The following DAAM1 variants were observed in gnomAD, a reference collection of about 807,000 sequenced individuals.
DAAM1 encodes dishevelled associated activator of morphogenesis 1.
In DAAM1, 52 loss-of-function variants were observed where a neutral mutation model predicts 130.0. That is an observed-to-expected ratio of 0.40 (90% CI 0.32 to 0.50). The LOEUF (loss-of-function observed/expected upper bound fraction) is 0.50, where lower values mean the gene tolerates loss of function less well. DAAM1 is among the 20% of genes least tolerant of loss of function. The probability of loss-of-function intolerance (pLI) is 0.61; values close to 1 mark genes in which losing one functional copy is unlikely to be tolerated. For synonymous variants in DAAM1, 452 were observed against 444.5 expected (o/e 1.02, Z -0.21); for missense variants, 1,134 against 1,303.8 (o/e 0.87, Z 2.01).
intron 13 of DAAM1, 87 bp downstream of exon 13, chr14:59,330,775 G>T: frequency 3.0e-6 from 4 of 1,313,962 alleles, no homozygotes; most frequent in Non-Finnish European, 4.1e-6. Context: ...ACTTCATACT[G>T]GGGGAATAAA....
At chr14:59,242,579 G>A (rs1421806968) in intron 1 of DAAM1, among the ~76,000 whole-genome samples, 7 of 152,194 alleles carry the variant, frequency 4.6e-5, no homozygotes, top group East Asian at 3.9e-4. Flanking sequence ...TATTCTTTGA[G>A]ACAGAGTCTC....
Position 59,291,292 on chromosome 14 carries a change from T to G in DAAM1, c.259T>G (p.Cys87Gly). 2 of 1,608,628 alleles carry G rather than the reference T, an allele frequency of 1.2e-6. No individual in the cohort carries two copies. Among genetic ancestry groups the G allele is most frequent in the Non-Finnish European group, 1.7e-6 (2 of 1,178,476 alleles). Residue 87 changes from cysteine to glycine, a missense_variant, in exon 3 of 25, where the codon TGT becomes GGT. Physicochemically the swap from Cys to Gly is radical, Grantham distance 159. Coordinates refer to ENST00000360909, the MANE Select transcript of DAAM1 (RefSeq NM_001270520.2). The stretch of plus-strand genomic sequence containing the variant: ...AGCTGAGAAAAAATGGCAAATATAC[T>G]GTAGCAAGAAAAAGGTAAGATTTTC... ...LPAEKKWQIY[C>G]SKKKDQEENK...
Position 59,322,915 on chromosome 14 carries a change from TG to T in DAAM1, c.466del (p.Asp156MetfsTer10). 1 of 1,611,632 alleles carries T rather than the reference TG, an allele frequency of 6.2e-7. No homozygotes were observed. The highest frequency in any genetic ancestry group is 8.5e-7 in the Non-Finnish European group (1 of 1,178,150). ...PMRFVTRFIDLDGLSCILNFL... is the reference protein window; with the variant it reads ...PMRFVTRFIDXDGLSCILNFL... ...AGGTTTGTAACCAGATTCATCGACT[TG>T]GATGGCCTATCATGTATCCTCAACT... On this transcript the variant is annotated frameshift_variant, in exon 6 of 25. Transcript: ENST00000360909. LOFTEE classifies it high-confidence loss of function.
intron 1 of DAAM1, among the ~76,000 whole-genome samples, chr14:59,197,040 C>T (rs1452202521): frequency 6.6e-6 from 1 of 152,108 alleles, no homozygotes; most frequent in Non-Finnish European, 1.5e-5. Context: ...CCTGCCTCGG[C>T]CTCCCGGGTA....
chr14:59,202,010 C>A (rs1296090240), intron 1 of DAAM1, among the ~76,000 whole-genome samples: 1 of 152,176 alleles, frequency 6.6e-6, no homozygotes, highest in Non-Finnish European at 1.5e-5. Flanking sequence ...AATCAATTTA[C>A]ATTTTAATCC....
chr14:59,355,037 A>C (rs181829933), intron 19 of DAAM1, 128 bp from the exon 20 acceptor site: 3 of 1,283,646 alleles, frequency 2.3e-6, no homozygotes, highest in Non-Finnish European at 3.2e-6. Flanking sequence ...TGGTAACCCA[A>C]TAACTCAGTC....
In DAAM1 at chr14:59,280,659, C is replaced by G. The variant is rs10134156; in HGVS notation, c.184-10558C>G. Reference sequence around the variant, plus strand: ...GAACGAGTTCACAATGAGAGTCAGACGTACCAATAACATATAGCAATGTGA... The same window carrying G: ...GAACGAGTTCACAATGAGAGTCAGAGGTACCAATAACATATAGCAATGTGA... On this transcript the variant is annotated intron_variant, in intron 2 of 24. Coordinates refer to ENST00000360909, the MANE Select transcript of DAAM1 (RefSeq NM_001270520.2). Among the ~76,000 whole-genome samples the G allele has an allele frequency of 9.1e-3, 1,350 of 147,644 alleles. 26 individuals are homozygous for G. The highest frequency in any genetic ancestry group is 0.032 in the African/African-American group (1,299 of 40,192).
chr14:59,323,217 C>T lies in DAAM1; in HGVS notation c.766C>T (p.Arg256Cys), dbSNP rs1372787610. ...CCAGAAGTATGCCAGCGAAAGGACC[C>T]GCTTTCAGGTGGGTGTTCGCTCAGC... ...HYQKYASERT[R>C]FQTLINDLDK... The change falls in exon 6 of 25, where the codon CGC (arginine) becomes TGC (cysteine). Residue 256 changes from arginine to cysteine, a missense_variant. Arg to Cys is a radical substitution (Grantham distance 180). Coordinates refer to ENST00000360909, the MANE Select transcript of DAAM1 (RefSeq NM_001270520.2). The T allele has an allele frequency of 5.0e-6, 8 of 1,602,472 alleles. No individual in the cohort carries two copies. The highest frequency in any genetic ancestry group is 1.7e-4 in the Middle Eastern group (1 of 5,934).
At chr14:59,268,523 A>G (rs1882564629) in intron 2 of DAAM1, among the ~76,000 whole-genome samples, 1 of 152,182 alleles carries the variant, frequency 6.6e-6, no homozygotes, top group East Asian at 1.9e-4. Flanking sequence ...ACCCCCTACC[A>G]ACTGATAAGA....
intron 1 of DAAM1, among the ~76,000 whole-genome samples, chr14:59,251,930 C>T (rs905954663): frequency 2.6e-5 from 4 of 152,068 alleles, no homozygotes; most frequent in Admixed American, 2.0e-4. Context: ...AAGCTGGAGC[C>T]GAGGTGTGGT....
At chr14:59,293,831 A>G (rs560329494) in intron 3 of DAAM1, among the ~76,000 whole-genome samples, 43 of 152,320 alleles carry the variant, frequency 2.8e-4, no homozygotes, top group African/African-American at 1.0e-3. Context: ...GGAGGAGGAT[A>G]TTATGTTTAC....
chr14:59,255,938 G>T (rs1330661271), intron 1 of DAAM1, among the ~76,000 whole-genome samples: 1 of 152,148 alleles, frequency 6.6e-6, no homozygotes, highest in African/African-American at 2.4e-5. Context: ...TAACCAAGTT[G>T]GTGGCTCTCA....
intron 2 of DAAM1, among the ~76,000 whole-genome samples, chr14:59,276,198 T>C (rs1406699372): frequency 6.6e-6 from 1 of 152,230 alleles, no homozygotes; most frequent in Non-Finnish European, 1.5e-5. Flanking sequence ...CCAGATGAGA[T>C]GGTCATTTGC....
At position 59,226,412 on chromosome 14, in the gene DAAM1, G is replaced by A. The variant is rs73295936; in HGVS notation, c.-37-37029G>A. Among the ~76,000 whole-genome samples the A allele has an allele frequency of 3.6e-3, 548 of 152,202 alleles. 6 individuals carry two copies. Among genetic ancestry groups the A allele is most frequent in the African/African-American group, 0.013 (527 of 41,522 alleles). On this transcript the variant is annotated intron_variant, in intron 1 of 24. Coordinates refer to ENST00000360909, the MANE Select transcript of DAAM1 (RefSeq NM_001270520.2). ...ACACGTACATAGCAGAAGAATATGG[G>A]GCAGTCTTTGTATCTGTAAGGAAGA...
At chr14:59,202,248 A>C (rs1163230493) in intron 1 of DAAM1, among the ~76,000 whole-genome samples, 1 of 152,194 alleles carries the variant, frequency 6.6e-6, no homozygotes. Context: ...GTCCGTTTCA[A>C]GTTTCCCTCA....
At chr14:59,339,520 A>G (rs1330208913) in intron 15 of DAAM1, among the ~76,000 whole-genome samples, 4 of 152,190 alleles carry the variant, frequency 2.6e-5, no homozygotes, top group South Asian at 2.1e-4. Context: ...TCATGCCTCA[A>G]ACTGCCCCTT....
rs1453372336 is a variant in DAAM1, at chr14:59,370,512, C to T, written c.*1653C>T. The T allele has an allele frequency of 1.3e-5, 2 of 152,084 alleles. No homozygotes were observed. Among genetic ancestry groups the T allele is most frequent in the African/African-American group, 4.8e-5 (2 of 41,408 alleles). The allele number at this position is 152,084 out of a possible 1,614,324, so 9.4% of individuals were successfully genotyped here. A position where few individuals can be genotyped will look rare whatever the true frequency, so the allele number is the denominator to read the frequency against. ...TTTGTATAAACTATAATGCTTAGCA[C>T]AGATGGCGAGTTATCTGTGCTATGT... On this transcript the variant is annotated 3_prime_UTR_variant, in exon 25 of 25. Coordinates refer to ENST00000360909, the MANE Select transcript of DAAM1 (RefSeq NM_001270520.2).
intron 2 of DAAM1, among the ~76,000 whole-genome samples, chr14:59,288,772 G>T (rs549997671): frequency 6.6e-6 from 1 of 151,492 alleles, no homozygotes; most frequent in African/African-American, 2.4e-5. Context: ...TGACTGGGGG[G>T]CCTCAGGAAA....
At position 59,368,824 on chromosome 14, in the gene DAAM1, A is replaced by G; in HGVS notation, c.3172A>G (p.Ser1058Gly). ...TATTACCAACCAGATGACTGACAGC[A>G]GCAGAGAGAGACCAATCACAAAACT... ...KRITNQMTDS[S>G]RERPITKLNF The change falls in exon 25 of 25, where the codon AGC becomes GGC. Residue 1058 changes from serine (S) to glycine (G), a missense_variant. By Grantham distance (56) the Ser-to-Gly change is moderately conservative. Transcript: ENST00000360909. 6.2e-7 allele frequency: 1 copy of G among 1,613,900 alleles called. No homozygotes were observed. Among genetic ancestry groups the G allele is most frequent in the Non-Finnish European group, 8.5e-7 (1 of 1,179,892 alleles).
Sources: gnomAD v4.1 joint callset for allele counts (sites outside exome capture counted in the v4.1 genomes callset) on GRCh38, gnomAD v4.1.1 for gene constraint, MANE v1.5 for transcripts, NCBI Gene and HGNC (gene_info 2026-07-23, HGNC 2026-07-21) for gene names.